NKAIN3: variants seen among roughly 807,000 people sequenced by gnomAD.
NKAIN3 encodes the protein sodium/potassium-transporting ATPase subunit beta-1-interacting protein 3.
In NKAIN3, 25 loss-of-function variants were observed where a neutral mutation model predicts 30.2. The observed-to-expected ratio is 0.83, with a 90% CI of 0.60 to 1.16. The LOEUF (loss-of-function observed/expected upper bound fraction) is 1.16. NKAIN3 is among the 50% of genes most tolerant of loss of function. The pLI, the probability that NKAIN3 is intolerant of heterozygous loss-of-function variation, is 0.00. For synonymous variants in NKAIN3, 91 were observed against 89.6 expected (o/e 1.02, Z -0.09); for missense variants, 225 against 254.1 (o/e 0.89, Z 0.78).
chr8:62,538,145 G>A (rs533769219), intron 1 of NKAIN3, among the ~76,000 whole-genome samples: 2 of 152,254 alleles, frequency 1.3e-5, no homozygotes, highest in East Asian at 3.9e-4. Context: ...ACTTTGGAAA[G>A]GTAGTTCTTA....
At chr8:62,809,423 A>AATAT (rs2130710923) in intron 4 of NKAIN3, among the ~76,000 whole-genome samples, 1 of 152,302 alleles carries the variant, frequency 6.6e-6, no homozygotes, top group African/African-American at 2.4e-5. Context: ...AAGAAATTAT[A>AATAT]AAAGTACTAA....
At chr8:62,341,418 G>A (rs919875464) in intron 1 of NKAIN3, among the ~76,000 whole-genome samples, 8 of 151,970 alleles carry the variant, frequency 5.3e-5, no homozygotes, top group Non-Finnish European at 1.0e-4. Context: ...CACCTTGTGA[G>A]TTAGAAGCAA....
At chr8:62,785,406 T>C (rs190171303) in intron 4 of NKAIN3, among the ~76,000 whole-genome samples, 9 of 152,228 alleles carry the variant, frequency 5.9e-5, no homozygotes, top group Non-Finnish European at 1.2e-4. Context: ...CAGTCGTCAC[T>C]TACACTGGGG....
At chr8:62,271,658 G>A (rs1812781971) in intron 1 of NKAIN3, among the ~76,000 whole-genome samples, 1 of 152,074 alleles carries the variant, frequency 6.6e-6, no homozygotes, top group African/African-American at 2.4e-5. Flanking sequence ...GGGTCTCATT[G>A]GTGTGATAGC....
chr8:62,799,304 G>A (rs567420044), intron 4 of NKAIN3, among the ~76,000 whole-genome samples: 2 of 152,070 alleles, frequency 1.3e-5, no homozygotes, highest in African/African-American at 4.8e-5. Context: ...ATCTGACAAA[G>A]TACTAATATC....
intron 1 of NKAIN3, among the ~76,000 whole-genome samples, chr8:62,428,361 A>C (rs138455318): frequency 1.3e-3 from 196 of 152,046 alleles, no homozygotes; most frequent in African/African-American, 4.6e-3. Flanking sequence ...ACGTACCCAG[A>C]AGTGAGATTG....
chr8:62,381,479 G>A (rs922618095), intron 1 of NKAIN3, among the ~76,000 whole-genome samples: 3 of 152,040 alleles, frequency 2.0e-5, no homozygotes, highest in Non-Finnish European at 4.4e-5. Flanking sequence ...TGTTTGACTA[G>A]ATGGTACTTC....
chr8:62,315,091 G>A (rs527991746), intron 1 of NKAIN3, among the ~76,000 whole-genome samples: 15 of 152,230 alleles, frequency 9.9e-5, no homozygotes, highest in East Asian at 9.7e-4. Context: ...GAGCCATCAC[G>A]CAGGACACAT....
intron 3 of NKAIN3, among the ~76,000 whole-genome samples, chr8:62,672,954 G>T (rs570167794): frequency 1.2e-4 from 19 of 152,230 alleles, no homozygotes; most frequent in Non-Finnish European, 2.2e-4. Context: ...AATACCTGTT[G>T]GGTATCTACT....
intron 5 of NKAIN3, among the ~76,000 whole-genome samples, chr8:62,932,098 C>T (rs988498090): frequency 3.3e-5 from 5 of 151,910 alleles, no homozygotes; most frequent in African/African-American, 1.2e-4. Flanking sequence ...ACTTAAACTG[C>T]AAACATGAAT....
intron 4 of NKAIN3, among the ~76,000 whole-genome samples, chr8:62,911,798 A>G (rs893193821): frequency 1.3e-5 from 2 of 152,204 alleles, no homozygotes; most frequent in Admixed American, 1.3e-4. Context: ...AAGTAACAAC[A>G]GAAAATGCAT....
intron 1 of NKAIN3, among the ~76,000 whole-genome samples, chr8:62,373,346 T>G (rs1204036732): frequency 1.3e-5 from 2 of 152,238 alleles, no homozygotes; most frequent in Non-Finnish European, 2.9e-5. Context: ...AGGCTGAAAT[T>G]CTACTAACTT....
chr8:62,413,948 A>T (rs1804348195), intron 1 of NKAIN3, among the ~76,000 whole-genome samples: 1 of 152,140 alleles, frequency 6.6e-6, no homozygotes, highest in Admixed American at 6.5e-5. Flanking sequence ...TAGACATAAT[A>T]GGAACTTATT....
intron 4 of NKAIN3, among the ~76,000 whole-genome samples, chr8:62,800,965 T>A (rs151230632): frequency 0.013 from 1,938 of 152,312 alleles, 36 homozygotes; most frequent in African/African-American, 0.042. Context: ...AGAGATTATA[T>A]CCTGCACCTG....
At chr8:62,637,519 G>A (rs1483559018) in intron 3 of NKAIN3, among the ~76,000 whole-genome samples, 1 of 152,172 alleles carries the variant, frequency 6.6e-6, no homozygotes, top group East Asian at 1.9e-4. Flanking sequence ...CCCAGGGAAT[G>A]TTCTCTTTAT....
chr8:62,706,556 G>A (rs1174203732), intron 3 of NKAIN3, among the ~76,000 whole-genome samples: 1 of 151,932 alleles, frequency 6.6e-6, no homozygotes, highest in East Asian at 1.9e-4. Context: ...TACTGCTCCT[G>A]ATTTCCCCAT....
At chr8:62,747,587 T>A (rs1005441796) in intron 4 of NKAIN3, among the ~76,000 whole-genome samples, 1 of 152,236 alleles carries the variant, frequency 6.6e-6, no homozygotes, top group African/African-American at 2.4e-5. Context: ...CTCTTCGCAT[T>A]TTAGTGCCTA....
chr8:62,821,520 G>T (rs939299228), intron 4 of NKAIN3, among the ~76,000 whole-genome samples: 2 of 152,114 alleles, frequency 1.3e-5, no homozygotes, highest in Non-Finnish European at 2.9e-5. Flanking sequence ...CATGTGTAAT[G>T]AGGGGAACTC....
intron 6 of NKAIN3, among the ~76,000 whole-genome samples, chr8:62,963,077 GA>G (rs1387880906): frequency 1.3e-5 from 2 of 152,126 alleles, no homozygotes. Flanking sequence ...ATTTTTAGTA[GA>G]GACGGGGTTT....
Sources: allele counts gnomAD v4.1 joint callset (sites outside exome capture counted in the v4.1 genomes callset), GRCh38; gene constraint gnomAD v4.1.1; transcripts MANE v1.5; gene names NCBI Gene and HGNC (gene_info 2026-07-23, HGNC 2026-07-21).